RFX6: variants seen among roughly 807,000 people sequenced by gnomAD.
The protein encoded by RFX6 is DNA-binding protein RFX6.
RFX6 carries 50 observed loss-of-function variants against 110.8 expected under a neutral mutation model. The ratio of observed to expected loss-of-function variants is 0.45; its 90% confidence interval spans 0.36 to 0.57. The LOEUF (loss-of-function observed/expected upper bound fraction) is 0.57. Ranked by LOEUF, RFX6 falls within the 20% of genes least tolerant of loss-of-function variation. The probability of loss-of-function intolerance (pLI) is 0.00; values close to 1 mark genes in which losing one functional copy is unlikely to be tolerated. For synonymous variants in RFX6, 383 were observed against 411.2 expected (o/e 0.93, Z 0.83); for missense variants, 990 against 1,127.0 (o/e 0.88, Z 1.74).
chr6:116,894,058 T>G lies in RFX6; in HGVS notation c.638T>G (p.Leu213Trp), dbSNP rs1370216392. The G allele has an allele frequency of 6.4e-7, 1 of 1,565,740 alleles. No homozygotes were observed. The highest frequency in any genetic ancestry group is 8.8e-7 in the Non-Finnish European group (1 of 1,136,042). ...YYHSVYSGKG[L>W]TRFSGSKLKN... is the part of the protein sequence containing the mutation. Reference sequence around the variant, plus strand: ...CACTCCGTTTATTCTGGAAAGGGCTTGACAAGGTAGAGTTACACCATCTTC... The same window carrying G: ...CACTCCGTTTATTCTGGAAAGGGCTGGACAAGGTAGAGTTACACCATCTTC... Residue 213 changes from leucine (L) to tryptophan (W), a missense_variant, in exon 5 of 19, where the codon TTG becomes TGG. This residue lies in a region of RFX6 where 243 missense variants were observed against 353.1 expected (regional missense o/e 0.69). Transcript: ENST00000332958.
In RFX6 at chr6:116,916,070, T is replaced by G. The variant is rs762118667; in HGVS notation, c.843T>G (p.Asn281Lys). 6.2e-7 allele frequency: 1 copy of G among 1,608,998 alleles called. No homozygotes were observed. The highest frequency in any genetic ancestry group is 8.5e-7 in the Non-Finnish European group (1 of 1,175,680). Residue 281 changes from asparagine (N) to lysine (K), a missense_variant, in exon 8 of 19, where the codon AAT (asparagine) becomes AAG (lysine). Asn to Lys is a moderately conservative substitution (Grantham distance 94). Transcript: ENST00000332958. ...AGTGTATCCTGGACAATGCAATTAA[T>G]GGAAACTTTGAAGAGGTAAGAATGA... ...HCQCILDNAI[N>K]GNFEEIQHFL... is the part of the protein sequence containing the mutation.
intron 15 of RFX6, among the ~76,000 whole-genome samples, chr6:116,925,090 C>G (rs1775681714): frequency 6.6e-6 from 1 of 152,100 alleles, no homozygotes; most frequent in South Asian, 2.1e-4. Context: ...AACTGTAATT[C>G]AAGACACATG....
chr6:116,909,735 C>CTTTTTTTTTTTTTTTTT (rs59264999), intron 6 of RFX6, among the ~76,000 whole-genome samples: 7 of 67,378 alleles, frequency 1.0e-4, no homozygotes, highest in African/African-American at 4.2e-4. Context: ...TCATTTAAAT[C>CTTTTTTTTTTTTTTTTT]TTTTTTTTTT....
chr6:116,917,091 C>A (rs551502762), intron 9 of RFX6, among the ~76,000 whole-genome samples: 1 of 152,226 alleles, frequency 6.6e-6, no homozygotes, highest in African/African-American at 2.4e-5. Flanking sequence ...AGTTAGTTGC[C>A]ACTATCAGAT....
In RFX6 at chr6:116,922,025, T is replaced by C. The variant is rs1304311545; in HGVS notation, c.1328-17T>C. The C allele has an allele frequency of 2.7e-6, 3 of 1,107,578 alleles. No homozygotes were observed. Among genetic ancestry groups the C allele is most frequent in the Non-Finnish European group, 4.1e-6 (3 of 733,134 alleles). The allele number at this position is 1,107,578 out of a possible 1,614,324, so 68.6% of individuals were successfully genotyped here. Reference sequence around the variant, plus strand: ...TTCTGTTTTCTTTTCTTTCTTTTTTTTTTTTTTCCTGGGTAGATGACTCTA... The same window carrying C: ...TTCTGTTTTCTTTTCTTTCTTTTTTCTTTTTTTCCTGGGTAGATGACTCTA... On this transcript the variant is annotated splice_polypyrimidine_tract_variant and intron_variant, in intron 12 of 18. Coordinates refer to ENST00000332958, the MANE Select transcript of RFX6 (RefSeq NM_173560.4).
intron 6 of RFX6, among the ~76,000 whole-genome samples, chr6:116,900,500 C>G (rs1409040665): frequency 6.6e-6 from 1 of 152,134 alleles, no homozygotes; most frequent in Non-Finnish European, 1.5e-5. Flanking sequence ...GGTGATCTGC[C>G]TACCTCAGCC....
Position 116,928,792 on chromosome 6 carries a change from C to T in RFX6, c.2432C>T (p.Ser811Phe). 1 of 1,613,940 alleles carries T rather than the reference C, an allele frequency of 6.2e-7. No individual in the cohort carries two copies. Residue 811 changes from serine to phenylalanine, a missense_variant, in exon 18 of 19, where the codon TCT becomes TTT. Ser to Phe is a radical substitution (Grantham distance 155). Around this residue, in one of 5 missense-constraint regions of RFX6, gnomAD observed 438 missense variants for 441.9 expected, o/e 0.99. Transcript: ENST00000332958. ...YYGSNINYPE[S>F]HRLGSMVNQH... ...GGAAGCAACATAAACTACCCAGAGT[C>T]TCACAGGCTCGGATCAATGGTGAAT...
chr6:116,916,356 T>C, intron 9 of RFX6, 42 bp downstream of exon 9: 1 of 1,108,328 alleles, frequency 9.0e-7, no homozygotes, highest in Non-Finnish European at 1.4e-6. Context: ...CATTTATTTC[T>C]TTACGTAGCA....
intron 6 of RFX6, among the ~76,000 whole-genome samples, chr6:116,902,424 T>C (rs1283534338): frequency 6.6e-6 from 1 of 152,052 alleles, no homozygotes; most frequent in Non-Finnish European, 1.5e-5. Flanking sequence ...GTAAGAGCGT[T>C]ACTACTTAGT....
chr6:116,927,612 C>T (rs1775775169), intron 17 of RFX6, 73 bp downstream of exon 17: 23 of 1,193,500 alleles, frequency 1.9e-5, no homozygotes, highest in African/African-American at 3.0e-5. Context: ...TGCGTTCCAC[C>T]TCTGCTGACT....
At chr6:116,920,519 G>C in intron 12 of RFX6, 65 bp downstream of exon 12, 1 of 1,397,288 alleles carries the variant, frequency 7.2e-7, no homozygotes, top group Admixed American at 1.7e-5. Flanking sequence ...TCTTGAGCTG[G>C]GTAACTCTGT....
intron 16 of RFX6, among the ~76,000 whole-genome samples, chr6:116,926,778 T>C (rs538028141): frequency 2.6e-5 from 4 of 152,286 alleles, no homozygotes; most frequent in African/African-American, 4.8e-5. Flanking sequence ...GGAGAAACCA[T>C]GAAGCCATCG....
intron 3 of RFX6, 74 bp from the exon 4 acceptor site, chr6:116,882,293 A>T (rs1449506394): frequency 9.7e-7 from 1 of 1,030,918 alleles, no homozygotes; most frequent in Non-Finnish European, 1.5e-6. Flanking sequence ...ACTTTCCCCA[A>T]GTAATTGGCT....
At chr6:116,919,377 T>C in intron 11 of RFX6, 81 bp downstream of exon 11, 2 of 1,300,708 alleles carry the variant, frequency 1.5e-6, no homozygotes, top group Non-Finnish European at 2.2e-6. Flanking sequence ...TGAGGAACTT[T>C]CATAGATTGA....
intron 17 of RFX6, among the ~76,000 whole-genome samples, chr6:116,928,046 G>A (rs1206048197): frequency 1.3e-5 from 2 of 149,040 alleles, no homozygotes; most frequent in Non-Finnish European, 3.0e-5. Flanking sequence ...CAACACCCCC[G>A]GCCTAAAGCT....
Position 116,925,617 on chromosome 6 carries a change from C to T in RFX6, c.1843C>T (p.His615Tyr). Residue 615 changes from histidine to tyrosine, a missense_variant, in exon 16 of 19, where the codon CAC becomes TAC. Around this residue, in one of 5 missense-constraint regions of RFX6, gnomAD observed 438 missense variants for 441.9 expected, o/e 0.99. Coordinates refer to ENST00000332958, the MANE Select transcript of RFX6 (RefSeq NM_173560.4). ...SQPGGLGPAL[H>Y]QFPAGNTDNM... is the part of the protein sequence containing the mutation. The stretch of plus-strand genomic sequence containing the variant: ...ACCTGGAGGCCTAGGCCCTGCTCTG[C>T]ACCAGTTCCCTGCTGGGAACACAGA... The T allele has an allele frequency of 6.2e-7, 1 of 1,614,054 alleles. No homozygotes were observed. Among genetic ancestry groups the T allele is most frequent in the Non-Finnish European group, 8.5e-7 (1 of 1,179,914 alleles).
At chr6:116,925,216 T>C (rs1049545841) in intron 15 of RFX6, among the ~76,000 whole-genome samples, 2 of 152,220 alleles carry the variant, frequency 1.3e-5, no homozygotes, top group African/African-American at 4.8e-5. Context: ...CACTCCAAAC[T>C]GGATTATTTA....
intron 14 of RFX6, among the ~76,000 whole-genome samples, chr6:116,924,121 T>C (rs550713956): frequency 4.6e-5 from 7 of 152,322 alleles, no homozygotes; most frequent in Non-Finnish European, 8.8e-5. Flanking sequence ...GGAAAATCTA[T>C]TGAATAGTTA....
chr6:116,923,706 A>G (rs1031845142), intron 14 of RFX6, among the ~76,000 whole-genome samples: 1 of 152,204 alleles, frequency 6.6e-6, no homozygotes, highest in Non-Finnish European at 1.5e-5. Flanking sequence ...GCACTCCAGG[A>G]ATCAAAAAAC....
Sources: gnomAD v4.1 joint callset for allele counts (sites outside exome capture counted in the v4.1 genomes callset) on GRCh38, gnomAD v4.1.1 for gene constraint, gnomAD v4.1.1 regional missense constraint, MANE v1.5 for transcripts, NCBI Gene and HGNC (gene_info 2026-07-23, HGNC 2026-07-21) for gene names.